ADCY9: variants seen among roughly 807,000 people sequenced by gnomAD.
ADCY9 encodes adenylate cyclase type 9.
Under a neutral mutation model 101.5 loss-of-function variants are expected in ADCY9, and 50 were observed. The ratio of observed to expected loss-of-function variants is 0.49; its 90% CI spans 0.39 to 0.62. The LOEUF is 0.62. Among genes scored for constraint, ADCY9 ranks in the 20% least tolerant of loss-of-function variants. ADCY9 has a pLI of 0.00. For missense variants in ADCY9, 1,662 were observed against 1,800.4 expected (o/e 0.92, Z 1.39); for synonymous variants, 905 against 769.3 (o/e 1.18, Z -2.92).
At position 3,978,626 on chromosome 16, in the gene ADCY9, G is replaced by C. The variant is rs1032004909; in HGVS notation, c.2679+490C>G. On this transcript the variant is annotated intron_variant, in intron 8 of 10. Transcript: ENST00000294016. ...CAGCCCGGCCACTGCCCGGGCGTGA[G>C]CATCTGGGCAGGCCAATGCTAAGTC... 3.8e-4 allele frequency among the ~76,000 whole-genome samples: 58 copies of C among 152,268 alleles called. 1 individual carries two copies. The highest frequency in any genetic ancestry group is 3.7e-3 in the Admixed American group (57 of 15,290).
intron 3 of ADCY9, among the ~76,000 whole-genome samples, chr16:4,000,381 C>T (rs556873841): frequency 6.6e-6 from 1 of 152,154 alleles, no homozygotes; most frequent in Admixed American, 6.6e-5. Context: ...TCCAGGTGAA[C>T]GGGGCAGCCT....
At chr16:3,990,175 T>A (rs565933429) in intron 5 of ADCY9, among the ~76,000 whole-genome samples, 22 of 152,222 alleles carry the variant, frequency 1.4e-4, no homozygotes, top group African/African-American at 5.3e-4. Flanking sequence ...CAGAAGTAAA[T>A]TAGACGAGGC....
At chr16:4,112,180 C>A (rs571916487) in intron 2 of ADCY9, among the ~76,000 whole-genome samples, 1 of 152,240 alleles carries the variant, frequency 6.6e-6, no homozygotes, top group South Asian at 2.1e-4. Context: ...GCCCCGTCCA[C>A]TGACACCTTC....
intron 2 of ADCY9, among the ~76,000 whole-genome samples, chr16:4,014,561 C>T (rs917532863): frequency 3.1e-4 from 47 of 151,822 alleles, no homozygotes; most frequent in African/African-American, 1.1e-3. Context: ...AATACTCCTG[C>T]CTCAGCCTCC....
At chr16:4,013,204 C>T (rs996995419) in intron 2 of ADCY9, among the ~76,000 whole-genome samples, 11 of 151,446 alleles carry the variant, frequency 7.3e-5, no homozygotes, top group African/African-American at 1.2e-4. Flanking sequence ...GCTGTGAGTG[C>T]GCCGTTGCAC....
chr16:4,090,637 C>T (rs1039284400), intron 2 of ADCY9, among the ~76,000 whole-genome samples: 1 of 151,958 alleles, frequency 6.6e-6, no homozygotes, highest in Non-Finnish European at 1.5e-5. Context: ...CAGAGGGAAG[C>T]CTAATTTTAT....
At chr16:4,101,281 A>T (rs1367244594) in intron 2 of ADCY9, among the ~76,000 whole-genome samples, 6 of 135,514 alleles carry the variant, frequency 4.4e-5, no homozygotes, top group East Asian at 4.3e-4. Context: ...TGTTCAGGTG[A>T]TTTTTTTTTT....
chr16:4,063,335 G>T (rs1386858334), intron 2 of ADCY9, among the ~76,000 whole-genome samples: 1 of 152,018 alleles, frequency 6.6e-6, no homozygotes, highest in Admixed American at 6.6e-5. Flanking sequence ...TTAGGATGCA[G>T]CTATGAGAAG....
intron 3 of ADCY9, among the ~76,000 whole-genome samples, chr16:4,006,897 T>G (rs753658512): frequency 6.6e-6 from 1 of 152,200 alleles, no homozygotes; most frequent in Non-Finnish European, 1.5e-5. Flanking sequence ...GTCCTCTCAG[T>G]GAGCTGTGTC....
Position 3,956,488 on chromosome 16 carries a change from C to CTTTTTTTTTTTTTTTTTT in ADCY9, c.568-2973_568-2972insAAAAAAAAAAAAAAAAAA, listed in dbSNP as rs1555504577. Reference sequence around the variant, plus strand: ...AAGGACAAGACACCAGCGCAATGAGCTTTTTTTTTTTTTTTGGGGGGGGAT... The same window carrying CTTTTTTTTTTTTTTTTTT: ...AAGGACAAGACACCAGCGCAATGAGCTTTTTTTTTTTTTTTTTTTTTTTTTTTTTTTTTGGGGGGGGAT... On this transcript the variant is annotated intron_variant, in intron 5 of 5. Transcript: ENST00000576936. Among the ~76,000 whole-genome samples, 9 of 68,762 alleles carry CTTTTTTTTTTTTTTTTTT rather than the reference C, an allele frequency of 1.3e-4. 3 individuals are homozygous for CTTTTTTTTTTTTTTTTTT. The highest frequency in any genetic ancestry group is 2.6e-4 in the African/African-American group (4 of 15,120). The allele number at this position is 68,762 out of a possible 152,430, so 45.1% of individuals were successfully genotyped here.
At chr16:4,061,958 T>C (rs1031462315) in intron 2 of ADCY9, among the ~76,000 whole-genome samples, 6 of 152,328 alleles carry the variant, frequency 3.9e-5, no homozygotes, top group South Asian at 2.1e-4. Context: ...AGGAGGTAGA[T>C]AGACATAGAC....
intron 2 of ADCY9, among the ~76,000 whole-genome samples, chr16:4,098,620 G>A (rs1289216633): frequency 6.6e-6 from 1 of 152,138 alleles, no homozygotes; most frequent in East Asian, 1.9e-4. Context: ...CCAGCACTAG[G>A]AACACAGCAG....
At chr16:3,983,209 G>A (rs1437793542) in intron 7 of ADCY9, 23 bp downstream of exon 7, 2 of 1,541,634 alleles carry the variant, frequency 1.3e-6, no homozygotes, top group Admixed American at 2.0e-5. Context: ...CAGAGCTGGA[G>A]ACCCAGTCCA....
rs1179935817 is a variant in ADCY9 at position 4,114,510 on chromosome 16, G to C, written c.933C>G (p.Leu311=). ...MSQVRSRSTF[L]KVGQSIMHGK... ...CGTGCATAATGGATTGCCCCACCTT[G>C]AGGAAGGTGCTCCTGGACCTCACCT... Residue 311 remains leucine, a synonymous_variant, in exon 2 of 11, where the codon CTC becomes CTG. Coordinates refer to ENST00000294016, the MANE Select transcript of ADCY9 (RefSeq NM_001116.4). This position sits in a 1 kb window ranked among gnomAD's most constrained non-coding sequence, Gnocchi z 4.3. The C allele has an allele frequency of 6.2e-7, 1 of 1,614,124 alleles. No homozygotes were observed. The highest frequency in any genetic ancestry group is 8.5e-7 in the Non-Finnish European group (1 of 1,180,012).
intron 2 of ADCY9, among the ~76,000 whole-genome samples, chr16:4,061,399 G>C (rs1414120977): frequency 6.6e-6 from 1 of 152,086 alleles, no homozygotes; most frequent in Admixed American, 6.5e-5. Context: ...AATAAAGTGA[G>C]CCACCATGAC....
rs866004652 is a variant in ADCY9, at chr16:3,995,171, T to C, written c.1885-1661A>G. 1.2e-3 allele frequency among the ~76,000 whole-genome samples: 185 copies of C among 152,164 alleles called. 1 individual carries two copies. Among genetic ancestry groups the C allele is most frequent in the African/African-American group, 4.4e-3 (181 of 41,438 alleles). On this transcript the variant is annotated intron_variant, in intron 3 of 10. Transcript: ENST00000294016. The stretch of plus-strand genomic sequence containing the variant: ...TGAAATTGGCTGGGTGTGGCGGCTG[T>C]AATCCCAGCACTTTGGGAAGCTGGG...
intron 2 of ADCY9, among the ~76,000 whole-genome samples, chr16:4,020,780 C>G (rs947077237): frequency 6.7e-6 from 1 of 150,318 alleles, no homozygotes; most frequent in Non-Finnish European, 1.5e-5. Context: ...GAGCTAAGAT[C>G]GCGCCACTGC....
At chr16:3,993,572 AGG>A in intron 3 of ADCY9, 62 bp from the exon 4 acceptor site, 1 of 1,593,834 alleles carries the variant, frequency 6.3e-7, no homozygotes, top group Non-Finnish European at 8.6e-7. Flanking sequence ...CCCTGAATTC[AGG>A]CAGGTCCGCT....
chr16:3,983,134 C>T, intron 7 of ADCY9, 98 bp downstream of exon 7: 11 of 1,165,640 alleles, frequency 9.4e-6, no homozygotes, highest in Non-Finnish European at 1.3e-5. Flanking sequence ...GCAGGGACAG[C>T]TGGCTGGGGA....
Sources: gnomAD v4.1 joint callset for allele counts (sites outside exome capture counted in the v4.1 genomes callset) on GRCh38, gnomAD v4.1.1 for gene constraint, Gnocchi (gnomAD v3.1) non-coding constraint, MANE v1.5 for transcripts, NCBI Gene and HGNC (gene_info 2026-07-23, HGNC 2026-07-21) for gene names.